Variants in DNAH5 observed in about 807,000 individuals in gnomAD.
DNAH5 encodes dynein axonemal heavy chain 5.
A neutral mutation model predicts 518.2 loss-of-function variants in DNAH5; 372 were observed. The ratio of observed to expected loss-of-function variants is 0.72; its 90% CI spans 0.66 to 0.78. DNAH5 has a LOEUF of 0.78. Among genes scored for constraint, DNAH5 ranks in the 30% least tolerant of loss-of-function variants. DNAH5 has a pLI of 0.00. For synonymous variants in DNAH5, 2,039 were observed against 2,025.9 expected, an observed-to-expected ratio of 1.01 and a Z score of -0.17; for missense variants, 5,523 against 5,687.0, an observed-to-expected ratio of 0.97 and a Z score of 0.93.
At chr5:13,829,354 C>A (rs1370463084) in intron 38 of DNAH5, among the ~76,000 whole-genome samples, 156 bp downstream of exon 38, 5 of 152,086 alleles carry the variant, frequency 3.3e-5, no homozygotes, top group Non-Finnish European at 7.4e-5. Flanking sequence ...AAAAACTATG[C>A]ATATAAAATT....
At chr5:13,990,569 T>A (rs2152074364) in intron 1 of DNAH5, among the ~76,000 whole-genome samples, 1 of 125,880 alleles carries the variant, frequency 7.9e-6, no homozygotes, top group African/African-American at 3.1e-5. Context: ...CAAAATGAAG[T>A]AAAATAAAAA....
intron 22 of DNAH5, among the ~76,000 whole-genome samples, chr5:13,872,351 T>C (rs78704440): frequency 0.02 from 3,051 of 152,270 alleles, 116 homozygotes; most frequent in African/African-American, 0.069. Flanking sequence ...ATAATTCATA[T>C]AACTAGAATT....
At chr5:13,987,810 C>T (rs1396846254) in intron 1 of DNAH5, among the ~76,000 whole-genome samples, 2 of 150,784 alleles carry the variant, frequency 1.3e-5, no homozygotes, top group Admixed American at 6.6e-5. Flanking sequence ...GCCAAGATGG[C>T]GCCACTGCAC....
chr5:13,966,271 AT>A (rs1168796776), intron 1 of DNAH5, among the ~76,000 whole-genome samples: 1 of 152,034 alleles, frequency 6.6e-6, no homozygotes. Context: ...ATTGATGGGC[AT>A]TTGGGCTGGT....
chr5:13,870,041 CT>C (rs1212626152), intron 24 of DNAH5, among the ~76,000 whole-genome samples: 6 of 151,672 alleles, frequency 4.0e-5, no homozygotes, highest in Non-Finnish European at 7.4e-5. Flanking sequence ...GCAGACTTCA[CT>C]GCAAAAAAAA....
intron 1 of DNAH5, among the ~76,000 whole-genome samples, chr5:13,964,121 A>G (rs1389093566): frequency 6.6e-6 from 1 of 152,268 alleles, no homozygotes; most frequent in Admixed American, 6.5e-5. Flanking sequence ...CTTGGCCTAC[A>G]GTCCTCAGTA....
intron 37 of DNAH5, 64 bp downstream of exon 37, chr5:13,829,962 G>A: frequency 6.9e-7 from 1 of 1,439,674 alleles, no homozygotes; most frequent in South Asian, 1.2e-5. Context: ...CATATGACCA[G>A]GGAGATGCAT....
chr5:13,885,584 C>T (rs1172404810), intron 18 of DNAH5, among the ~76,000 whole-genome samples: 1 of 152,224 alleles, frequency 6.6e-6, no homozygotes, highest in African/African-American at 2.4e-5. Flanking sequence ...CCCTTCTTCA[C>T]ATCCACATCT....
intron 3 of DNAH5, among the ~76,000 whole-genome samples, chr5:13,925,974 G>A (rs1372386033): frequency 6.6e-6 from 1 of 152,130 alleles, no homozygotes; most frequent in Non-Finnish European, 1.5e-5. Flanking sequence ...ACCACCTAAA[G>A]AGCTTGATTT....
chr5:13,943,767 G>C (rs958920135), intron 1 of DNAH5, among the ~76,000 whole-genome samples: 1 of 152,194 alleles, frequency 6.6e-6, no homozygotes, highest in Admixed American at 6.5e-5. Context: ...AGGAAGCATG[G>C]GTTAATGGTT....
chr5:13,985,473 A>G (rs1363529504), intron 1 of DNAH5, among the ~76,000 whole-genome samples: 39 of 145,704 alleles, frequency 2.7e-4, no homozygotes, highest in Middle Eastern at 3.7e-3. Context: ...ATATAAAGCA[A>G]AGATGCAGAT....
At chr5:13,913,651 T>C (rs1233077828) in intron 11 of DNAH5, 92 bp downstream of exon 11, 12 of 1,438,158 alleles carry the variant, frequency 8.3e-6, no homozygotes, top group Non-Finnish European at 1.1e-5. Context: ...TACAGACTGA[T>C]GATTTGAATC....
At position 13,693,825 on chromosome 5, in the gene DNAH5, AG is replaced by A. The variant is rs1197296349; in HGVS notation, c.13724-1691del. ...CCCTAATCTCATGAAAGTAATCATT[AG>A]GAACAACCTAAAACAACGTGATACC... On this transcript the variant is annotated intron_variant, in intron 78 of 78. Coordinates refer to ENST00000265104, the MANE Select transcript of DNAH5 (RefSeq NM_001369.3). Among the ~76,000 whole-genome samples, 16 of 152,266 alleles carry A rather than the reference AG, an allele frequency of 1.1e-4. No individual in the cohort carries two copies. In the East Asian group the frequency reaches 3.1e-3, roughly 29 times the overall value.
chr5:13,800,997 A>C lies in DNAH5; in HGVS notation c.7887+6594T>G, dbSNP rs146692040. 2.6e-5 allele frequency among the ~76,000 whole-genome samples: 4 copies of C among 152,286 alleles called. No individual in the cohort carries two copies. In the East Asian group the frequency reaches 7.7e-4, roughly 29 times the overall value. ...TGTCTGGTACTATGTGTTTGTTGTT[A>C]AATATTTTTTACATAAATAAATACA... On this transcript the variant is annotated intron_variant, in intron 47 of 78. Transcript: ENST00000265104.
Position 13,864,652 on chromosome 5 carries a change from C to A in DNAH5, c.4356-15G>T. 1 of 1,613,998 alleles carries A rather than the reference C, an allele frequency of 6.2e-7. No homozygotes were observed. Among genetic ancestry groups the A allele is most frequent in the Non-Finnish European group, 8.5e-7 (1 of 1,179,936 alleles). ...GCTTTCGACATCTGTGAAGGGACAC[C>A]AACATGAAAGGCCATTGAAATATGA... On this transcript the variant is annotated splice_polypyrimidine_tract_variant and intron_variant, in intron 27 of 78. Coordinates refer to ENST00000265104, the MANE Select transcript of DNAH5 (RefSeq NM_001369.3).
intron 75 of DNAH5, among the ~76,000 whole-genome samples, chr5:13,712,218 G>A (rs949665300): frequency 6.6e-6 from 1 of 152,172 alleles, no homozygotes; most frequent in Non-Finnish European, 1.5e-5. Flanking sequence ...CTAAAGTGGG[G>A]AAAGGACACC....
intron 24 of DNAH5, 127 bp from the exon 25 acceptor site, chr5:13,868,119 A>C: frequency 1.3e-6 from 1 of 794,994 alleles, no homozygotes; most frequent in South Asian, 1.5e-5. Context: ...AGTTCTAGTT[A>C]TTCTACTTCA....
chr5:13,825,765 A>G (rs2151827145), intron 38 of DNAH5, among the ~76,000 whole-genome samples: 1 of 152,346 alleles, frequency 6.6e-6, no homozygotes, highest in South Asian at 2.1e-4. Context: ...TTCAAGATGA[A>G]AAAGTTACAG....
chr5:13,935,340 C>T (rs1778826533), intron 1 of DNAH5, among the ~76,000 whole-genome samples: 1 of 152,070 alleles, frequency 6.6e-6, no homozygotes. Context: ...AAATCACTCC[C>T]TAAAATAGAA....
Sources: allele counts gnomAD v4.1 joint callset (sites outside exome capture counted in the v4.1 genomes callset), GRCh38; gene constraint gnomAD v4.1.1; transcripts MANE v1.5; gene names NCBI Gene and HGNC (gene_info 2026-07-23, HGNC 2026-07-21).